The following COPZ1 variants were observed in gnomAD, a reference collection of about 807,000 sequenced individuals.
COPZ1 encodes coatomer subunit zeta-1.
In COPZ1, 4 loss-of-function variants were observed where a neutral mutation model predicts 31.7. The observed-to-expected ratio is 0.13, with a 90% confidence interval of 0.06 to 0.29. The LOEUF is 0.29. COPZ1 is among the 10% of genes least tolerant of loss of function. COPZ1 has a pLI of 1.00. For missense variants in COPZ1, 156 were observed against 211.5 expected (o/e 0.74, Z 1.63); for synonymous variants, 74 against 79.0 (o/e 0.94, Z 0.33).
At chr12:54,332,098 G>A (rs536111632) in intron 1 of COPZ1, among the ~76,000 whole-genome samples, 43 of 152,160 alleles carry the variant, frequency 2.8e-4, no homozygotes, top group Non-Finnish European at 1.2e-4. Flanking sequence ...GCCGAGGCGG[G>A]CGGATCACGA....
intron 7 of COPZ1, among the ~76,000 whole-genome samples, chr12:54,349,380 CT>C (rs1287587416): frequency 6.6e-6 from 1 of 152,160 alleles, no homozygotes; most frequent in Non-Finnish European, 1.5e-5. Context: ...GGAGTTAAAT[CT>C]TTTAAGAAGT....
At chr12:54,337,123 A>G (rs1325563477) in intron 1 of COPZ1, 5 of 527,422 alleles carry the variant, frequency 9.5e-6, no homozygotes, top group Admixed American at 2.0e-5. Context: ...TGAGGACAGC[A>G]TTCTTGTTTT....
chr12:54,342,416 A>G (rs1320159430), intron 3 of COPZ1, 129 bp downstream of exon 3: 2 of 693,272 alleles, frequency 2.9e-6, no homozygotes, highest in Non-Finnish European at 5.1e-6. Flanking sequence ...TTCCCCTTGT[A>G]TAATAAACTC....
At chr12:54,342,848 G>A (rs937558963) in intron 3 of COPZ1, among the ~76,000 whole-genome samples, 7 of 137,572 alleles carry the variant, frequency 5.1e-5, no homozygotes, top group Non-Finnish European at 9.1e-5. Flanking sequence ...TCATGGTAAC[G>A]CCTTCTTTTT....
At chr12:54,340,242 A>G (rs971931581) in intron 1 of COPZ1, 4 of 441,050 alleles carry the variant, frequency 9.1e-6, no homozygotes, top group African/African-American at 6.0e-5. Flanking sequence ...TTTGGAAAAT[A>G]ACTGTACCAT....
intron 2 of COPZ1, among the ~76,000 whole-genome samples, chr12:54,341,224 C>CA (rs2137103256): frequency 1.3e-5 from 2 of 152,298 alleles, no homozygotes; most frequent in African/African-American, 4.8e-5. Flanking sequence ...CATACCATGT[C>CA]ACCCTGCCTG....
intron 1 of COPZ1, among the ~76,000 whole-genome samples, chr12:54,339,627 T>C (rs1953936493): frequency 6.6e-6 from 1 of 152,100 alleles, no homozygotes; most frequent in South Asian, 2.1e-4. Flanking sequence ...TTCTCCTAGT[T>C]AGCTGGCTCC....
At chr12:54,340,349 T>C (rs755319594) in intron 1 of COPZ1, 198 bp from the exon 2 acceptor site, 103 of 786,986 alleles carry the variant, frequency 1.3e-4, no homozygotes, top group Non-Finnish European at 1.8e-4. Context: ...TTTGTTTAAA[T>C]GCTTTCTCTG....
chr12:54,325,609 C>T lies in COPZ1; in HGVS notation c.18+428C>T, dbSNP rs144436334. Reference sequence around the variant, plus strand: ...TGATGGTTTCCCAAGTTTGACTCTCCATTGCCGATTCCCTGCCACATTCCT... The same window carrying T: ...TGATGGTTTCCCAAGTTTGACTCTCTATTGCCGATTCCCTGCCACATTCCT... On this transcript the variant is annotated intron_variant, in intron 1 of 8. Coordinates refer to ENST00000262061, the MANE Select transcript of COPZ1 (RefSeq NM_016057.3). The T allele has an allele frequency of 1.0e-3, 168 of 164,750 alleles. 1 individual carries two copies. The highest frequency in any genetic ancestry group is 3.9e-3 in the African/African-American group (162 of 41,786). The allele number at this position is 164,750 out of a possible 1,614,324, so 10.2% of individuals were successfully genotyped here.
At chr12:54,350,301 C>G in intron 8 of COPZ1, 175 bp from the exon 9 acceptor site, 1 of 764,924 alleles carries the variant, frequency 1.3e-6, no homozygotes, top group Admixed American at 1.7e-5. Flanking sequence ...TGGAATTTTC[C>G]AAACAATCTG....
At chr12:54,336,887 G>C (rs1430016516) in intron 1 of COPZ1, among the ~76,000 whole-genome samples, 6 of 151,412 alleles carry the variant, frequency 4.0e-5, no homozygotes, top group African/African-American at 1.5e-4. Context: ...CTGGGCATGG[G>C]GGTGTGTGCC....
At chr12:54,341,556 A>G (rs891489193) in intron 2 of COPZ1, among the ~76,000 whole-genome samples, 1 of 152,182 alleles carries the variant, frequency 6.6e-6, no homozygotes, top group African/African-American at 2.4e-5. Context: ...CCAGTTACTA[A>G]ATGCCAGACC....
chr12:54,328,940 T>C (rs1229121318), intron 1 of COPZ1, among the ~76,000 whole-genome samples: 1 of 152,214 alleles, frequency 6.6e-6, no homozygotes, highest in African/African-American at 2.4e-5. Flanking sequence ...TTGTGGAATT[T>C]CTAAATAACA....
chr12:54,342,400 T>C, intron 3 of COPZ1, 113 bp downstream of exon 3: 1 of 773,902 alleles, frequency 1.3e-6, no homozygotes, highest in South Asian at 1.6e-5. Context: ...TCTTTTTTTT[T>C]CCTTCTTCCC....
At chr12:54,336,662 C>T (rs1161349261) in intron 1 of COPZ1, among the ~76,000 whole-genome samples, 2 of 151,756 alleles carry the variant, frequency 1.3e-5, no homozygotes, top group Non-Finnish European at 2.9e-5. Context: ...GACTCTTTCC[C>T]TCTAGTCCTC....
intron 7 of COPZ1, 79 bp downstream of exon 7, chr12:54,348,130 AG>A (rs1044514166): frequency 8.3e-6 from 11 of 1,324,234 alleles, no homozygotes; most frequent in Non-Finnish European, 1.2e-5. Flanking sequence ...GGATGTGTCC[AG>A]TAGTTGGGGC....
intron 5 of COPZ1, 99 bp from the exon 6 acceptor site, chr12:54,347,668 T>G: frequency 1.0e-6 from 1 of 975,268 alleles, no homozygotes. Flanking sequence ...TTGGTGGAGA[T>G]GTTTATTGGT....
chr12:54,340,991 A>G (rs1953964780), intron 2 of COPZ1, among the ~76,000 whole-genome samples: 1 of 151,922 alleles, frequency 6.6e-6, no homozygotes, highest in Non-Finnish European at 1.5e-5. Context: ...GAGCCACCAC[A>G]CCCGGCCTGA....
At chr12:54,327,453 A>G (rs1953675991) in intron 1 of COPZ1, among the ~76,000 whole-genome samples, 1 of 151,848 alleles carries the variant, frequency 6.6e-6, no homozygotes, top group Non-Finnish European at 1.5e-5. Context: ...ACGTGCTGCC[A>G]CACCTGGCTA....
Sources: allele counts gnomAD v4.1 joint callset (sites outside exome capture counted in the v4.1 genomes callset), GRCh38; gene constraint gnomAD v4.1.1; transcripts MANE v1.5; gene names NCBI Gene and HGNC (gene_info 2026-07-23, HGNC 2026-07-21).